The following BRF1 variants were observed in gnomAD, a reference collection of about 807,000 sequenced individuals.
BRF1 encodes the protein transcription factor IIIB 90 kDa subunit.
BRF1 carries 59 observed loss-of-function variants against 81.7 expected under a neutral mutation model. The ratio of observed to expected loss-of-function variants is 0.72; its 90% CI spans 0.59 to 0.90. BRF1 has a LOEUF of 0.90. Ranked by LOEUF, BRF1 falls within the 40% of genes least tolerant of loss-of-function variation. The pLI is 0.00. For missense variants in BRF1, 1,050 were observed against 936.3 expected, an observed-to-expected ratio of 1.12 and a Z score of -1.58; for synonymous variants, 491 against 395.6, an observed-to-expected ratio of 1.24 and a Z score of -2.86.
chr14:105,211,572 AAC>A, intron 16 of BRF1: 1 of 490,906 alleles, frequency 2.0e-6, no homozygotes, highest in Non-Finnish European at 3.6e-6. Context: ...GAGCATGCAG[AAC>A]ACCTTTCCAG....
At position 105,221,833 on chromosome 14, in the gene BRF1, A is replaced by C; in HGVS notation, c.1130T>G (p.Leu377Arg). 6.2e-7 allele frequency: 1 copy of C among 1,609,994 alleles called. No homozygotes were observed. The highest frequency in any genetic ancestry group is 8.5e-7 in the Non-Finnish European group (1 of 1,178,888). The part of the protein sequence containing the change: ...DEELEAAASH[L>R]NKDLYRELLG... ...GAGCTCCCGGTATAAGTCTTTGTTC[A>C]GGTGGCTGGCCGCGGCTTCCAGCTC... is the stretch of plus-strand genomic sequence containing the variant. Residue 377 changes from leucine to arginine, a missense_variant, in exon 11 of 18, where the codon CTG (leucine) becomes CGG (arginine). Transcript: ENST00000547530.
chr14:105,241,244 G>T, intron 6 of BRF1, 21 bp downstream of exon 6: 2 of 1,607,844 alleles, frequency 1.2e-6, no homozygotes, highest in Non-Finnish European at 1.7e-6. Context: ...GCATCCCCCA[G>T]GCAGGCAGGG....
In BRF1 at chr14:105,315,054, G is replaced by A. The variant is rs1036380340; in HGVS notation, c.-162+268C>T. Reference sequence around the variant, plus strand: ...CGTGCCCAGGTACGCGCCGCCCGCCGCGCTTTGTTCCCGCCGGGCACCTGC... The same window carrying A: ...CGTGCCCAGGTACGCGCCGCCCGCCACGCTTTGTTCCCGCCGGGCACCTGC... On this transcript the variant is annotated intron_variant, in intron 1 of 17. Transcript: ENST00000327359. This position sits in a 1 kb window ranked among gnomAD's most constrained non-coding sequence, Gnocchi z 4.4. 5.2e-6 allele frequency: 6 copies of A among 1,162,004 alleles called. No individual in the cohort carries two copies. The highest frequency in any genetic ancestry group is 5.0e-5 in the African/African-American group (3 of 60,514). The allele number at this position is 1,162,004 out of a possible 1,614,324, so 72.0% of individuals were successfully genotyped here.
intron 5 of BRF1, chr14:105,248,142 G>A: frequency 4.1e-6 from 4 of 985,498 alleles, no homozygotes; most frequent in South Asian, 9.4e-5. Context: ...AAAGCCCTCA[G>A]AGCAGAGTGG....
At chr14:105,226,566 G>A in intron 8 of BRF1, 68 bp downstream of exon 8, 1 of 1,603,850 alleles carries the variant, frequency 6.2e-7, no homozygotes, top group Non-Finnish European at 8.5e-7. Flanking sequence ...TACAACCCCA[G>A]TCGGGGTGTG....
At chr14:105,248,577 G>C (rs959745489) in intron 5 of BRF1, 1 of 912,184 alleles carries the variant, frequency 1.1e-6, no homozygotes, top group African/African-American at 2.1e-5. Context: ...GCTCGGGCGG[G>C]CGGGCGGGCG....
intron 5 of BRF1, 167 bp from the exon 6 acceptor site, chr14:105,241,581 C>G: frequency 2.3e-6 from 2 of 885,700 alleles, no homozygotes; most frequent in Non-Finnish European, 3.4e-6. Context: ...TCAGCTAGGG[C>G]AGCCATCGCA....
In BRF1 at chr14:105,215,242, AAC is replaced by A. The variant is rs111895481; in HGVS notation, c.1772+2300_1772+2301del. 9.1e-3 allele frequency among the ~76,000 whole-genome samples: 1,373 copies of A among 151,558 alleles called. 20 individuals carry two copies. Among genetic ancestry groups the A allele is most frequent in the African/African-American group, 0.031 (1,275 of 41,280 alleles). ...CACACACGCCCCACGCACACAGAGA[AAC>A]ACAGTGTATACAGACACATGCATGC... On this transcript the variant is annotated intron_variant, in intron 15 of 17. Transcript: ENST00000547530.
chr14:105,265,183 G>A (rs1432399841), intron 3 of BRF1, among the ~76,000 whole-genome samples: 5 of 151,514 alleles, frequency 3.3e-5, no homozygotes, highest in African/African-American at 4.8e-5. Context: ...TGATCCTCCT[G>A]CCTCAGCCTC....
chr14:105,214,796 G>A (rs1311459084), intron 15 of BRF1, among the ~76,000 whole-genome samples: 1 of 152,206 alleles, frequency 6.6e-6, no homozygotes, highest in Non-Finnish European at 1.5e-5. Flanking sequence ...CTCCTCAGCT[G>A]AACCCCTCCT....
At chr14:105,286,676 A>C in intron 1 of BRF1, among the ~76,000 whole-genome samples, 1 of 150,956 alleles carries the variant, frequency 6.6e-6, no homozygotes. Flanking sequence ...TCCCATCTCC[A>C]CTCACTGCAA....
At chr14:105,300,371 G>A (rs1311338580) in intron 1 of BRF1, 75 bp downstream of exon 1, 4 of 1,369,970 alleles carry the variant, frequency 2.9e-6, no homozygotes, top group African/African-American at 1.5e-5. Flanking sequence ...CGCTGGTCCC[G>A]GCCGCGCCGT....
In BRF1 at chr14:105,271,447, C is replaced by T. The variant is rs1200336451; in HGVS notation, c.439+1274G>A. 6.6e-6 allele frequency among the ~76,000 whole-genome samples: 1 copy of T among 152,228 alleles called. No individual in the cohort carries two copies. On this transcript the variant is annotated intron_variant, in intron 3 of 17. Coordinates refer to ENST00000547530, the MANE Select transcript of BRF1 (RefSeq NM_001519.4). This position sits in a 1 kb window ranked among gnomAD's most constrained non-coding sequence, Gnocchi z 5.5. ...GCAGGGGCGCAGGCTGGGAGGCAGA[C>T]ATGTGGCCGGGCACGCCACGCCCAC...
intron 1 of BRF1, among the ~76,000 whole-genome samples, chr14:105,313,269 C>T (rs2058400582): frequency 1.3e-5 from 2 of 152,212 alleles, no homozygotes; most frequent in South Asian, 2.1e-4. Flanking sequence ...GGGTGCCTGT[C>T]TCCTGCCCTC....
intron 10 of BRF1, among the ~76,000 whole-genome samples, chr14:105,224,924 C>T (rs1212479105): frequency 6.6e-6 from 1 of 152,200 alleles, no homozygotes; most frequent in Admixed American, 6.5e-5. Flanking sequence ...CCGGAGGGGT[C>T]CCCATGGTGA....
chr14:105,273,056 G>A (rs2056727301), intron 2 of BRF1, among the ~76,000 whole-genome samples, 162 bp from the exon 3 acceptor site: 1 of 152,190 alleles, frequency 6.6e-6, no homozygotes, highest in Admixed American at 6.5e-5. Context: ...TTTATTTAAG[G>A]ACACTGAAAT....
intron 5 of BRF1, chr14:105,249,619 C>T (rs1387504403): frequency 1.9e-6 from 3 of 1,594,390 alleles, no homozygotes; most frequent in Middle Eastern, 1.7e-4. Context: ...CAGCCCCTGA[C>T]GCGGGCCCTG....
At chr14:105,267,094 C>T (rs1047506436) in intron 3 of BRF1, among the ~76,000 whole-genome samples, 1 of 152,180 alleles carries the variant, frequency 6.6e-6, no homozygotes, top group Non-Finnish European at 1.5e-5. Flanking sequence ...GCAGCAGACA[C>T]AGTTGTGTGC....
chr14:105,228,793 C>A (rs1251247644), intron 7 of BRF1, 27 bp downstream of exon 7: 13 of 1,612,256 alleles, frequency 8.1e-6, no homozygotes, highest in Non-Finnish European at 1.1e-5. Flanking sequence ...CTGTGTGGTC[C>A]CCATGCCATG....
Sources: gnomAD v4.1 joint callset for allele counts (sites outside exome capture counted in the v4.1 genomes callset) on GRCh38, gnomAD v4.1.1 for gene constraint, Gnocchi (gnomAD v3.1) non-coding constraint, MANE v1.5 for transcripts, NCBI Gene and HGNC (gene_info 2026-07-23, HGNC 2026-07-21) for gene names.